Variants in ARMCX4 observed in about 807,000 individuals in gnomAD.
The protein encoded by ARMCX4 is armadillo repeat containing X-linked 4.
Under a neutral mutation model 34.7 loss-of-function variants are expected in ARMCX4, and 3 were observed. The observed-to-expected ratio is 0.09, with a 90% CI of 0.04 to 0.22. The LOEUF is 0.22. ARMCX4 is among the 10% of genes least tolerant of loss of function. The pLI is 1.00. For synonymous variants in ARMCX4, 513 were observed against 632.8 expected (o/e 0.81, Z 2.84); for missense variants, 1,448 against 1,720.8 (o/e 0.84, Z 2.81).
intron 4 of ARMCX4, among the ~76,000 whole-genome samples, chrX:101,475,392 G>A (rs1421984726): frequency 9.0e-6 from 1 of 111,275 alleles, no homozygotes; most frequent in African/African-American, 3.3e-5. Context: ...TTGGGGGGGT[G>A]TAATACAAAT....
In ARMCX4 at chrX:101,489,499, T is replaced by C. The variant is rs1556007960; in HGVS notation, c.910T>C (p.Cys304Arg). The part of the protein sequence containing the change: ...PGTGVEDMGN[C>R]KTMSRAESGA... ...TACTGGGGTTGAGGACATGGGGAATTGTAAAACCATGTCTAGGGCAGAGTC... is the reference window on the plus strand; with the variant it reads ...TACTGGGGTTGAGGACATGGGGAATCGTAAAACCATGTCTAGGGCAGAGTC... Residue 304 changes from cysteine (C) to arginine (R), a missense_variant, in exon 6 of 6, where the codon TGT becomes CGT. By Grantham distance (180) the Cys-to-Arg change is radical. Around this residue, in one of 2 missense-constraint regions of ARMCX4, gnomAD observed 1,343 missense variants for 1,540.7 expected, o/e 0.87. Transcript: ENST00000423738. 2 of 1,154,977 alleles carry C rather than the reference T, an allele frequency of 1.7e-6. No individual in the cohort carries two copies. The highest frequency in any genetic ancestry group is 1.1e-6 in the Non-Finnish European group (1 of 872,599).
At chrX:101,457,615 C>T (rs782809908) in intron 4 of ARMCX4, among the ~76,000 whole-genome samples, 4 of 110,397 alleles carry the variant, frequency 3.6e-5, no homozygotes, top group African/African-American at 9.8e-5. Context: ...CCCAGCTACT[C>T]GGGAGGCTGA....
intron 2 of ARMCX4, among the ~76,000 whole-genome samples, chrX:101,440,357 C>A (rs1226579812): frequency 9.0e-6 from 1 of 111,351 alleles, no homozygotes; most frequent in African/African-American, 3.3e-5. Context: ...CAGAGGAGTA[C>A]CCGGCCGTGT....
intron 2 of ARMCX4, among the ~76,000 whole-genome samples, chrX:101,435,482 G>A (rs1398297773): frequency 9.0e-5 from 10 of 111,574 alleles, no homozygotes; most frequent in African/African-American, 3.3e-4. Flanking sequence ...TTTTGATGAG[G>A]TTGTTTGATT....
downstream of ARMCX4, among the ~76,000 whole-genome samples, chrX:101,496,650 A>C (rs1556011904): frequency 8.9e-6 from 1 of 111,795 alleles, no homozygotes; most frequent in Non-Finnish European, 1.9e-5. Flanking sequence ...TAGTGCTTGT[A>C]TCAGATTTCC....
intron 4 of ARMCX4, among the ~76,000 whole-genome samples, chrX:101,467,884 A>G (rs1246064360): frequency 2.7e-5 from 3 of 112,115 alleles, no homozygotes; most frequent in African/African-American, 6.5e-5. Context: ...GTTGAGTCCA[A>G]CAGATTTAGA....
At chrX:101,433,150 A>T (rs1182112069) in intron 2 of ARMCX4, among the ~76,000 whole-genome samples, 4 of 107,580 alleles carry the variant, frequency 3.7e-5, no homozygotes, top group Non-Finnish European at 7.8e-5. Flanking sequence ...ATACTCACAT[A>T]TACACATATG....
Position 101,488,447 on chromosome X carries a change from C to G in ARMCX4, c.-143C>G. On this transcript the variant is annotated 5_prime_UTR_variant, in exon 6 of 6. Coordinates refer to ENST00000423738, the MANE Select transcript of ARMCX4 (RefSeq NM_001256155.3). ...CATTTCCTTCCTCCACTTCTAGGTC[C>G]ACCTCCAGAGGCAGCTGTAGTGGCC... 1 of 1,101,912 alleles carries G rather than the reference C, an allele frequency of 9.1e-7. No individual in the cohort carries two copies. Among genetic ancestry groups the G allele is most frequent in the Non-Finnish European group, 1.2e-6 (1 of 847,805 alleles). The allele number at this position is 1,101,912 out of a possible 1,213,427, so 90.8% of individuals were successfully genotyped here.
At position 101,489,536 on chromosome X, in the gene ARMCX4, C is replaced by T. The variant is rs1395663795; in HGVS notation, c.947C>T (p.Thr316Met). The T allele has an allele frequency of 1.2e-5, 14 of 1,153,750 alleles. No individual in the cohort carries two copies. Among genetic ancestry groups the T allele is most frequent in the Middle Eastern group, 2.3e-4 (1 of 4,287 alleles). The stretch of plus-strand genomic sequence containing the variant: ...TCTAGGGCAGAGTCTGGGGCAGACA[C>T]GAGGGCTTCTGCTCAGCCTCAAATT... ...TMSRAESGAD[T>M]RASAQPQIFA... Residue 316 changes from threonine (T) to methionine (M), a missense_variant, in exon 6 of 6, where the codon ACG becomes ATG. By Grantham distance (81) the Thr-to-Met change is moderately conservative. Transcript: ENST00000423738.
At chrX:101,439,018 G>A (rs1931035937) in intron 2 of ARMCX4, among the ~76,000 whole-genome samples, 2 of 111,931 alleles carry the variant, frequency 1.8e-5, no homozygotes. Flanking sequence ...TCATTATGAT[G>A]TTAGCTGGTT....
upstream of ARMCX4, among the ~76,000 whole-genome samples, chrX:101,482,193 C>T (rs1603202758): frequency 9.0e-6 from 1 of 110,871 alleles, no homozygotes; most frequent in East Asian, 2.8e-4. Flanking sequence ...AAGATCGCAC[C>T]ACTGCACTCC....
intron 2 of ARMCX4, among the ~76,000 whole-genome samples, chrX:101,439,986 C>T (rs1931144602): frequency 1.8e-5 from 2 of 112,212 alleles, no homozygotes; most frequent in South Asian, 3.7e-4. Context: ...TCGTCAAAGT[C>T]ATTCTCCATC....
intron 4 of ARMCX4, among the ~76,000 whole-genome samples, chrX:101,467,311 G>A (rs1489405815): frequency 9.0e-6 from 1 of 110,847 alleles, no homozygotes; most frequent in Admixed American, 9.6e-5. Context: ...CACCATGCCC[G>A]GCTAATTTTT....
At chrX:101,486,564 A>G (rs1933728393) in intron 2 of ARMCX4, among the ~76,000 whole-genome samples, 1 of 110,360 alleles carries the variant, frequency 9.1e-6, no homozygotes, top group Non-Finnish European at 1.9e-5. Context: ...CCCTCTACCT[A>G]CCTGACCATC....
upstream of ARMCX4, among the ~76,000 whole-genome samples, chrX:101,483,222 T>C (rs781795761): frequency 5.5e-5 from 6 of 109,204 alleles, no homozygotes; most frequent in African/African-American, 2.0e-4. Context: ...CTTACAAGCA[T>C]TGCGAAAAAA....
At chrX:101,482,890 CTTTTTTTTTTTT>C (rs36075508), upstream of ARMCX4, among the ~76,000 whole-genome samples, 2 of 54,728 alleles carry the variant, frequency 3.7e-5, no homozygotes, top group African/African-American at 8.7e-5. Context: ...TTGCGTCAGG[CTTTTTTTTTTTT>C]TTTTTTTTTT....
At chrX:101,464,100 C>T (rs1035879999) in intron 4 of ARMCX4, among the ~76,000 whole-genome samples, 14 of 109,591 alleles carry the variant, frequency 1.3e-4, no homozygotes, top group South Asian at 4.2e-4. Context: ...AGGCTGGGTG[C>T]GGTGGCTCAT....
intron 5 of ARMCX4, 124 bp from the exon 6 acceptor site, chrX:101,488,320 G>A: frequency 1.6e-6 from 1 of 622,158 alleles, no homozygotes; most frequent in Non-Finnish European, 2.4e-6. Context: ...TGGAGAGGCT[G>A]CTAATCATCC....
intron 2 of ARMCX4, among the ~76,000 whole-genome samples, chrX:101,430,958 A>G (rs1330917439): frequency 9.0e-6 from 1 of 111,227 alleles, no homozygotes; most frequent in Non-Finnish European, 1.9e-5. Context: ...TATCCAATTC[A>G]TGGGATCCTG....
Sources: gnomAD v4.1 joint callset for allele counts (sites outside exome capture counted in the v4.1 genomes callset) on GRCh38, gnomAD v4.1.1 for gene constraint, gnomAD v4.1.1 regional missense constraint, MANE v1.5 for transcripts, NCBI Gene and HGNC (gene_info 2026-07-23, HGNC 2026-07-21) for gene names.